LPA: variants seen among roughly 807,000 people sequenced by gnomAD.
The protein encoded by LPA is lipoprotein(a).
In LPA, 199 loss-of-function variants were observed where a neutral mutation model predicts 197.9. The observed-to-expected ratio is 1.01, with a 90% CI of 0.90 to 1.13. The LOEUF is 1.13. LPA is among the 50% of genes most tolerant of loss of function. The probability of loss-of-function intolerance (pLI) is 0.00; values close to 1 mark genes in which losing one functional copy is unlikely to be tolerated. For missense variants in LPA, 1,853 were observed against 1,785.8 expected (o/e 1.04, Z -0.68); for synonymous variants, 715 against 639.5 (o/e 1.12, Z -1.78).
chr6:160,571,194 C>T (rs1018022869), intron 28 of LPA, among the ~76,000 whole-genome samples: 6 of 152,242 alleles, frequency 3.9e-5, no homozygotes, highest in South Asian at 4.2e-4. Context: ...ATGAAGTTCT[C>T]GTGCTGTGTT....
At chr6:160,553,452 G>GT (rs973796012) in intron 30 of LPA, among the ~76,000 whole-genome samples, 3 of 152,020 alleles carry the variant, frequency 2.0e-5, no homozygotes, top group Non-Finnish European at 1.5e-5. Context: ...ATTTTAAAGG[G>GT]TTTTTTTGTT....
intron 28 of LPA, among the ~76,000 whole-genome samples, chr6:160,567,363 T>C (rs1404490139): frequency 6.6e-6 from 1 of 152,196 alleles, no homozygotes; most frequent in Non-Finnish European, 1.5e-5. Flanking sequence ...CTCAACTATA[T>C]GGAAACTGAA....
chr6:160,591,380 T>C (rs989281875), intron 22 of LPA, among the ~76,000 whole-genome samples: 2 of 152,208 alleles, frequency 1.3e-5, no homozygotes, highest in African/African-American at 4.8e-5. Flanking sequence ...CAGAATACCC[T>C]CCTTCCACCT....
intron 16 of LPA, among the ~76,000 whole-genome samples, chr6:160,606,872 A>T (rs1779366104): frequency 6.6e-6 from 1 of 152,176 alleles, no homozygotes; most frequent in Non-Finnish European, 1.5e-5. Flanking sequence ...ATAAAAAAAA[A>T]TCTAAAGTAG....
chr6:160,575,001 A>T (rs1226154288), intron 28 of LPA, among the ~76,000 whole-genome samples: 1 of 152,086 alleles, frequency 6.6e-6, no homozygotes, highest in Non-Finnish European at 1.5e-5. Flanking sequence ...ATTGTTTCTG[A>T]TGAGAAGGCA....
chr6:160,597,079 C>T (rs1023914251), intron 20 of LPA, among the ~76,000 whole-genome samples: 1 of 152,154 alleles, frequency 6.6e-6, no homozygotes, highest in African/African-American at 2.4e-5. Context: ...TCTATGGAGA[C>T]TTGCTGGAAG....
chr6:160,551,234 G>A (rs1199001352), intron 30 of LPA, among the ~76,000 whole-genome samples: 1 of 152,112 alleles, frequency 6.6e-6, no homozygotes, highest in African/African-American at 2.4e-5. Flanking sequence ...TAATATCCAT[G>A]TCCATTGGGT....
At chr6:160,547,349 G>T (rs1184906129) in intron 32 of LPA, among the ~76,000 whole-genome samples, 2 of 152,146 alleles carry the variant, frequency 1.3e-5, no homozygotes, top group Admixed American at 1.3e-4. Context: ...ATCTAATGCT[G>T]CCTCTGATCT....
chr6:160,591,241 A>G, intron 22 of LPA, 140 bp from the exon 23 acceptor site: 3 of 1,082,528 alleles, frequency 2.8e-6, no homozygotes, highest in Non-Finnish European at 2.7e-6. Flanking sequence ...ACAATCACAA[A>G]TCGTCCTCAA....
chr6:160,591,193 A>G (rs1021928483), intron 22 of LPA, 92 bp from the exon 23 acceptor site: 2 of 1,510,860 alleles, frequency 1.3e-6, no homozygotes, highest in Admixed American at 1.8e-5. Flanking sequence ...CAAAGTGGTA[A>G]AAAGTGACTT....
intron 4 of LPA, among the ~76,000 whole-genome samples, chr6:160,643,073 G>T (rs1327272756): frequency 7.3e-6 from 1 of 137,148 alleles, no homozygotes; most frequent in African/African-American, 3.0e-5. Flanking sequence ...GTGAGTATGG[G>T]TGTGTTTTCA....
intron 16 of LPA, among the ~76,000 whole-genome samples, chr6:160,611,187 C>A (rs1326251304): frequency 1.3e-5 from 2 of 152,130 alleles, no homozygotes; most frequent in Non-Finnish European, 2.9e-5. Context: ...ACAGAAAAGG[C>A]AAACACAATC....
At chr6:160,532,350 C>T (rs377610596) in intron 38 of LPA, among the ~76,000 whole-genome samples, 181 bp downstream of exon 38, 2 of 152,134 alleles carry the variant, frequency 1.3e-5, no homozygotes, top group East Asian at 1.9e-4. Flanking sequence ...AGCCCCAAGA[C>T]GTCTCCTTAG....
At chr6:160,535,778 G>A (rs1176163525) in intron 37 of LPA, among the ~76,000 whole-genome samples, 1 of 152,090 alleles carries the variant, frequency 6.6e-6, no homozygotes, top group Non-Finnish European at 1.5e-5. Context: ...TCATATGTAA[G>A]ATGAGAAAGC....
intron 20 of LPA, 35 bp downstream of exon 20, chr6:160,599,465 C>T (rs1342918205): frequency 5.0e-6 from 8 of 1,611,744 alleles, no homozygotes; most frequent in East Asian, 4.5e-5. Context: ...TTCCATTGGC[C>T]CTTCCTTCGC....
chr6:160,600,766 CAG>C, intron 19 of LPA, 149 bp downstream of exon 19: 1 of 878,798 alleles, frequency 1.1e-6, no homozygotes, highest in East Asian at 2.7e-5. Flanking sequence ...CTGGCTCCCC[CAG>C]AGAGTGCGCT....
intron 20 of LPA, among the ~76,000 whole-genome samples, chr6:160,598,164 T>G (rs1222701091): frequency 1.3e-5 from 2 of 152,256 alleles, no homozygotes; most frequent in Admixed American, 1.3e-4. Context: ...GTCACCTTTA[T>G]TAAGCTCACT....
chr6:160,537,496 T>G (rs1457083160), intron 37 of LPA, among the ~76,000 whole-genome samples: 1 of 152,208 alleles, frequency 6.6e-6, no homozygotes, highest in Non-Finnish European at 1.5e-5. Context: ...ACTTGAGGGC[T>G]GGGTCAAAAC....
In LPA at chr6:160,593,986, G is replaced by T; in HGVS notation, c.3601C>A (p.Gln1201Lys). The change falls in exon 22 of 39, where the codon CAG becomes AAG. Residue 1201 changes from glutamine to lysine, a missense_variant. By Grantham distance (53) the Gln-to-Lys change is moderately conservative. This residue lies in a region of LPA where 1,737 missense variants were observed against 1,504.4 expected (regional missense o/e 1.15). Transcript: ENST00000316300. ...TTTGGATAATATTCTGTTGTCCTCT[G>T]ATGCCAGTGTGGTGTCATAGAGGAC... ...SWSSMTPHWHQRTTEYYPNGG... is the reference protein window; with the variant it reads ...SWSSMTPHWHKRTTEYYPNGG... 1 of 1,613,962 alleles carries T rather than the reference G, an allele frequency of 6.2e-7. No homozygotes were observed. The highest frequency in any genetic ancestry group is 8.5e-7 in the Non-Finnish European group (1 of 1,179,846).
Sources: gnomAD v4.1 joint callset for allele counts (sites outside exome capture counted in the v4.1 genomes callset) on GRCh38, gnomAD v4.1.1 for gene constraint, gnomAD v4.1.1 regional missense constraint, MANE v1.5 for transcripts, NCBI Gene and HGNC (gene_info 2026-07-23, HGNC 2026-07-21) for gene names.